TENM1: variants seen among roughly 807,000 people sequenced by gnomAD.
TENM1 encodes the protein teneurin transmembrane protein 1.
In TENM1, 35 loss-of-function variants were observed where a neutral mutation model predicts 174.8. That is an observed-to-expected ratio of 0.20 (90% CI 0.15 to 0.27). The LOEUF (loss-of-function observed/expected upper bound fraction) is 0.27, where lower values mean the gene tolerates loss of function less well. TENM1 is among the 10% of genes least tolerant of loss of function. The pLI is 1.00. For missense variants in TENM1, 1,633 were observed against 2,130.1 expected, an observed-to-expected ratio of 0.77 and a Z score of 4.59; for synonymous variants, 781 against 798.7, an observed-to-expected ratio of 0.98 and a Z score of 0.37.
chrX:124,960,138 T>G (rs1470886114), intron 1 of TENM1, among the ~76,000 whole-genome samples: 1 of 112,189 alleles, frequency 8.9e-6, no homozygotes, highest in Non-Finnish European at 1.9e-5. Context: ...AAATTGGGCA[T>G]GCGCGACTTC....
chrX:124,584,811 C>T (rs1488215322), intron 11 of TENM1, among the ~76,000 whole-genome samples: 3 of 111,134 alleles, frequency 2.7e-5, no homozygotes, highest in Non-Finnish European at 3.8e-5. Flanking sequence ...CAGAGACACA[C>T]ATAGGCTCAA....
the TENM1 span, among the ~76,000 whole-genome samples, chrX:125,092,389 T>C: frequency 8.9e-6 from 1 of 112,139 alleles, no homozygotes; most frequent in African/African-American, 3.2e-5. Context: ...CTTCCAGTTT[T>C]GTAGACTTTA....
intron 3 of TENM1, among the ~76,000 whole-genome samples, chrX:124,787,942 G>A (rs2055080466): frequency 9.0e-6 from 1 of 111,712 alleles, no homozygotes; most frequent in African/African-American, 3.3e-5. Context: ...ACATGGCTGG[G>A]GAGGCCTCAA....
chrX:124,678,953 G>C lies in TENM1; in HGVS notation c.1016-7118C>G, dbSNP rs1395357573. 8.1e-5 allele frequency among the ~76,000 whole-genome samples: 9 copies of C among 111,415 alleles called. No individual in the cohort carries two copies. In the Admixed American group the frequency reaches 8.6e-4, roughly 11 times the overall value. On this transcript the variant is annotated intron_variant, in intron 5 of 31. Transcript: ENST00000422452. ...TACACCTAACAATAAATAGGGCTTT[G>C]ATAATAAATATACAAGTTAACCTTG...
chrX:125,071,175 C>T, the TENM1 span, among the ~76,000 whole-genome samples: 8 of 111,531 alleles, frequency 7.2e-5, no homozygotes, highest in African/African-American at 9.8e-5. Flanking sequence ...CCCACAAAAG[C>T]GACCAGATCT....
intron 1 of TENM1, among the ~76,000 whole-genome samples, chrX:124,939,211 G>C (rs1024535947): frequency 1.8e-5 from 2 of 111,722 alleles, no homozygotes; most frequent in African/African-American, 6.5e-5. Context: ...TATACCTATT[G>C]GACTTCCTCA....
rs923003282 is a variant in TENM1, at chrX:124,690,878, C to T, written c.1015+14135G>A. The stretch of plus-strand genomic sequence containing the variant: ...TGTGCTATGCTTCTTGTAAAGCCTG[C>T]AGAACCATGAGCCAAATAAACCTCT... On this transcript the variant is annotated intron_variant, in intron 5 of 31. Transcript: ENST00000422452. 2.7e-4 allele frequency among the ~76,000 whole-genome samples: 30 copies of T among 110,648 alleles called. 1 individual carries two copies. Among genetic ancestry groups the T allele is most frequent in the Non-Finnish European group, 2.6e-4 (14 of 52,946 alleles).
At chrX:124,514,571 A>G (rs1427149996) in intron 18 of TENM1, among the ~76,000 whole-genome samples, 1 of 111,106 alleles carries the variant, frequency 9.0e-6, no homozygotes, top group Non-Finnish European at 1.9e-5. Context: ...TACTATGAAC[A>G]CCTAGAAGAG....
chrX:124,734,651 G>C (rs7054880), intron 4 of TENM1, among the ~76,000 whole-genome samples: 18,754 of 109,771 alleles, frequency 0.17, 2,211 homozygotes, highest in African/African-American at 0.41. Flanking sequence ...CATAGTACTT[G>C]CAGTTTGTTG....
At chrX:124,595,192 A>T (rs1367407542) in intron 11 of TENM1, among the ~76,000 whole-genome samples, 1 of 112,152 alleles carries the variant, frequency 8.9e-6, no homozygotes, top group Non-Finnish European at 1.9e-5. Context: ...CCTTTAAATT[A>T]AAGCAATATG....
At chrX:124,797,930 A>G (rs956456132) in intron 3 of TENM1, among the ~76,000 whole-genome samples, 3 of 110,728 alleles carry the variant, frequency 2.7e-5, no homozygotes, top group African/African-American at 9.9e-5. Context: ...CCCACTTATG[A>G]GTGAGAACAT....
intron 11 of TENM1, among the ~76,000 whole-genome samples, chrX:124,626,294 T>C (rs185679115): frequency 8.9e-6 from 1 of 112,081 alleles, no homozygotes; most frequent in African/African-American, 3.2e-5. Flanking sequence ...AGATTTTTTT[T>C]GAAACTCCTC....
At chrX:124,883,913 G>A (rs1033506579) in intron 3 of TENM1, among the ~76,000 whole-genome samples, 1 of 111,261 alleles carries the variant, frequency 9.0e-6, no homozygotes, top group African/African-American at 3.3e-5. Context: ...GGGCCAGGCA[G>A]ATCTGTATTA....
At chrX:124,615,665 C>A (rs928734952) in intron 11 of TENM1, among the ~76,000 whole-genome samples, 2 of 111,664 alleles carry the variant, frequency 1.8e-5, no homozygotes, top group African/African-American at 6.5e-5. Context: ...ATTACCTAAG[C>A]TTTTGTCCTT....
At chrX:125,085,178 A>G in the TENM1 span, among the ~76,000 whole-genome samples, 5 of 110,224 alleles carry the variant, frequency 4.5e-5, no homozygotes, top group African/African-American at 1.6e-4. Flanking sequence ...AAGGAGACAT[A>G]CAGGGCAAAA....
chrX:124,474,210 A>G (rs889159543), intron 22 of TENM1, among the ~76,000 whole-genome samples: 19 of 111,742 alleles, frequency 1.7e-4, no homozygotes, highest in African/African-American at 5.9e-4. Context: ...CTGTTATGTA[A>G]TACAGTAACA....
intron 22 of TENM1, among the ~76,000 whole-genome samples, chrX:124,462,382 G>A (rs2061184926): frequency 1.2e-5 from 1 of 85,362 alleles, no homozygotes; most frequent in Non-Finnish European, 2.1e-5. Context: ...ATGTAAGAAT[G>A]AAATAAGTTA....
At chrX:124,727,523 G>A (rs1324370269) in intron 4 of TENM1, among the ~76,000 whole-genome samples, 1 of 111,710 alleles carries the variant, frequency 9.0e-6, no homozygotes, top group African/African-American at 3.3e-5. Context: ...TGGATGAAGA[G>A]GCTGAGAAGC....
At chrX:124,649,781 G>A (rs952352009) in intron 8 of TENM1, among the ~76,000 whole-genome samples, 1 of 112,284 alleles carries the variant, frequency 8.9e-6, no homozygotes, top group African/African-American at 3.2e-5. Flanking sequence ...TCAATCAACT[G>A]ATTCTAACAT....
Sources: gnomAD v4.1 joint callset for allele counts (sites outside exome capture counted in the v4.1 genomes callset) on GRCh38, gnomAD v4.1.1 for gene constraint, MANE v1.5 for transcripts, NCBI Gene and HGNC (gene_info 2026-07-23, HGNC 2026-07-21) for gene names.